ERBB4: variants seen among roughly 807,000 people sequenced by gnomAD.
The protein encoded by ERBB4 is erb-b2 receptor tyrosine kinase 4, also known as receptor tyrosine-protein kinase erbB-4.
ERBB4 carries 42 observed loss-of-function variants against 158.0 expected under a neutral mutation model. The ratio of observed to expected loss-of-function variants is 0.27; its 90% CI spans 0.21 to 0.34. The LOEUF is 0.34. Ranked by LOEUF, ERBB4 falls within the 10% of genes least tolerant of loss-of-function variation. The pLI, the probability that ERBB4 is intolerant of heterozygous loss-of-function variation, is 1.00. For missense variants in ERBB4, 1,333 were observed against 1,624.1 expected (o/e 0.82, Z 3.08); for synonymous variants, 583 against 558.7 (o/e 1.04, Z -0.61).
rs1559519742 is a variant in ERBB4 at position 211,788,077 on chromosome 2, C to A, written c.504G>T (p.Arg168=). Residue 168 remains arginine, a synonymous_variant, in exon 4 of 28, where the codon CGG becomes CGT. Coordinates refer to ENST00000342788, the MANE Select transcript of ERBB4 (RefSeq NM_005235.3). ...ADTIHWQDIV[R]NPWPSNLTLV... is the part of the protein sequence containing the mutation. Reference sequence around the variant, plus strand: ...GAGTCAAGTTGGAAGGCCATGGGTTCCGAACAATATCTTGCCAATGAATGG... The same window carrying A: ...GAGTCAAGTTGGAAGGCCATGGGTTACGAACAATATCTTGCCAATGAATGG... The A allele has an allele frequency of 6.2e-7, 1 of 1,613,144 alleles. No homozygotes were observed. Among genetic ancestry groups the A allele is most frequent in the Non-Finnish European group, 8.5e-7 (1 of 1,179,330 alleles).
At chr2:211,713,944 G>C (rs1294913000) in intron 7 of ERBB4, among the ~76,000 whole-genome samples, 1 of 152,156 alleles carries the variant, frequency 6.6e-6, no homozygotes, top group Non-Finnish European at 1.5e-5. Flanking sequence ...CATTTAGCTT[G>C]TGTGTGTCAA....
chr2:211,588,188 T>A (rs2068345857), intron 19 of ERBB4, among the ~76,000 whole-genome samples: 1 of 152,178 alleles, frequency 6.6e-6, no homozygotes, highest in Non-Finnish European at 1.5e-5. Flanking sequence ...TTTTTATTTT[T>A]AAAAATTGGA....
At chr2:211,935,350 T>C (rs2080291220) in intron 3 of ERBB4, among the ~76,000 whole-genome samples, 2 of 152,118 alleles carry the variant, frequency 1.3e-5, no homozygotes, top group African/African-American at 4.8e-5. Context: ...TAGAGTTAAG[T>C]AGGTAAGATA....
At chr2:212,452,897 T>C (rs1688078966) in intron 1 of ERBB4, among the ~76,000 whole-genome samples, 1 of 152,148 alleles carries the variant, frequency 6.6e-6, no homozygotes, top group Non-Finnish European at 1.5e-5. Context: ...ATGTAAAAGG[T>C]AGCATTACTA....
chr2:211,630,377 T>C, intron 17 of ERBB4, 85 bp downstream of exon 17: 2 of 1,502,868 alleles, frequency 1.3e-6, no homozygotes, highest in South Asian at 1.2e-5. Flanking sequence ...GAATTTTACT[T>C]GGATTAAATA....
chr2:212,297,385 C>T (rs2086451937), intron 1 of ERBB4, among the ~76,000 whole-genome samples: 1 of 151,838 alleles, frequency 6.6e-6, no homozygotes, highest in African/African-American at 2.4e-5. Context: ...CATTTTTAAA[C>T]ATTAATGTAA....
Position 212,019,071 on chromosome 2 carries a change from G to A in ERBB4, c.235-71455C>T, listed in dbSNP as rs189871922. 5.9e-5 allele frequency among the ~76,000 whole-genome samples: 9 copies of A among 152,186 alleles called. 1 individual carries two copies. The highest frequency in any genetic ancestry group is 3.3e-4 in the Admixed American group (5 of 15,272). On this transcript the variant is annotated intron_variant, in intron 2 of 27. Coordinates refer to ENST00000342788, the MANE Select transcript of ERBB4 (RefSeq NM_005235.3). ...CCAGAGTACAAGAAGCCTGGTTGATGTAGTTCATAGAGGTCATCCTCCCGA... is the reference window on the plus strand; with the variant it reads ...CCAGAGTACAAGAAGCCTGGTTGATATAGTTCATAGAGGTCATCCTCCCGA...
chr2:211,863,431 C>G (rs987067441), intron 3 of ERBB4, among the ~76,000 whole-genome samples: 1 of 152,230 alleles, frequency 6.6e-6, no homozygotes, highest in African/African-American at 2.4e-5. Context: ...CTGCTCTTCA[C>G]AATAAATCTT....
intron 1 of ERBB4, among the ~76,000 whole-genome samples, chr2:212,412,903 G>T (rs2091537640): frequency 6.6e-6 from 1 of 152,070 alleles, no homozygotes; most frequent in Non-Finnish European, 1.5e-5. Context: ...TCAGCCTGAT[G>T]AACAGAATAA....
intron 1 of ERBB4, chr2:212,125,250 T>G (rs1416086882): frequency 4.9e-6 from 1 of 204,640 alleles, no homozygotes; most frequent in Non-Finnish European, 1.0e-5. Flanking sequence ...TACTCTGTTT[T>G]CTAATTGGGT....
chr2:211,561,319 G>C (rs539971388), intron 20 of ERBB4, among the ~76,000 whole-genome samples: 1 of 152,216 alleles, frequency 6.6e-6, no homozygotes, highest in South Asian at 2.1e-4. Flanking sequence ...CAGTCCCCTA[G>C]AAACTAGTAA....
chr2:211,534,247 G>C (rs2066583378), intron 20 of ERBB4, among the ~76,000 whole-genome samples: 1 of 152,050 alleles, frequency 6.6e-6, no homozygotes, highest in Admixed American at 6.6e-5. Flanking sequence ...CATTGAGACA[G>C]GATTTACAGG....
At chr2:211,524,691 C>G (rs1207724477) in intron 20 of ERBB4, among the ~76,000 whole-genome samples, 1 of 131,028 alleles carries the variant, frequency 7.6e-6, no homozygotes. Context: ...GCCAAGCCCA[C>G]GCCCACCCGG....
At chr2:212,487,246 G>A (rs1180650974) in intron 1 of ERBB4, among the ~76,000 whole-genome samples, 2 of 152,058 alleles carry the variant, frequency 1.3e-5, no homozygotes, top group South Asian at 2.1e-4. Context: ...CTGTAATTCA[G>A]TAATATAAAA....
At chr2:211,956,231 C>T (rs1339326908) in intron 2 of ERBB4, among the ~76,000 whole-genome samples, 1 of 151,948 alleles carries the variant, frequency 6.6e-6, no homozygotes, top group Non-Finnish European at 1.5e-5. Flanking sequence ...TGACTTTTAA[C>T]TGAAATTAGA....
chr2:212,012,493 C>T (rs569133206), intron 2 of ERBB4, among the ~76,000 whole-genome samples: 34 of 151,164 alleles, frequency 2.2e-4, no homozygotes, highest in Non-Finnish European at 4.3e-4. Flanking sequence ...CTCAGCTCAC[C>T]GCAAACTCCA....
intron 1 of ERBB4, among the ~76,000 whole-genome samples, chr2:212,391,058 T>C (rs1213432754): frequency 6.6e-6 from 1 of 151,796 alleles, no homozygotes; most frequent in Non-Finnish European, 1.5e-5. Flanking sequence ...CACTGCTGTG[T>C]TTACGTCTTA....
intron 1 of ERBB4, among the ~76,000 whole-genome samples, chr2:212,416,594 C>T (rs139375429): frequency 0.011 from 1,738 of 152,110 alleles, 16 homozygotes; most frequent in Non-Finnish European, 0.017. Flanking sequence ...ACAAATAAAG[C>T]CCTTAAGACC....
chr2:211,890,686 G>A (rs2078940285), intron 3 of ERBB4, among the ~76,000 whole-genome samples: 1 of 132,826 alleles, frequency 7.5e-6, no homozygotes, highest in African/African-American at 3.1e-5. Flanking sequence ...ACACACATAG[G>A]CTCAAAATAA....
Sources: gnomAD v4.1 joint callset for allele counts (sites outside exome capture counted in the v4.1 genomes callset) on GRCh38, gnomAD v4.1.1 for gene constraint, MANE v1.5 for transcripts, NCBI Gene and HGNC (gene_info 2026-07-23, HGNC 2026-07-21) for gene names.